PTK2B: variants seen among roughly 807,000 people sequenced by gnomAD.
PTK2B encodes protein-tyrosine kinase 2-beta.
In PTK2B, 71 loss-of-function variants were observed where a neutral mutation model predicts 142.9. The observed-to-expected ratio is 0.50, with a 90% confidence interval of 0.41 to 0.61. The LOEUF (loss-of-function observed/expected upper bound fraction) is 0.61. Ranked by LOEUF, PTK2B falls within the 20% of genes least tolerant of loss-of-function variation. The probability of loss-of-function intolerance (pLI) is 0.00; values close to 1 mark genes in which losing one functional copy is unlikely to be tolerated. For synonymous variants in PTK2B, 519 were observed against 503.4 expected (o/e 1.03, Z -0.42); for missense variants, 1,105 against 1,320.4 (o/e 0.84, Z 2.53).
chr8:27,335,972 A>G lies in PTK2B; in HGVS notation c.-38+10291A>G, dbSNP rs192485261. 4.6e-3 allele frequency among the ~76,000 whole-genome samples: 705 copies of G among 152,244 alleles called. 4 individuals are homozygous for G. Among genetic ancestry groups the G allele is most frequent in the Non-Finnish European group, 4.4e-3 (298 of 68,024 alleles). On this transcript the variant is annotated intron_variant, in intron 1 of 30. Transcript: ENST00000346049. ...CCAGGCCCTTGAGTCCCCTCCATGGATCTCCTGGGGTGCAGGTCATCTGGA... is the reference window on the plus strand; with the variant it reads ...CCAGGCCCTTGAGTCCCCTCCATGGGTCTCCTGGGGTGCAGGTCATCTGGA...
At chr8:27,438,933 A>G (rs1370652391) in intron 18 of PTK2B, 98 bp from the exon 19 acceptor site, 2 of 1,159,374 alleles carry the variant, frequency 1.7e-6, no homozygotes, top group Non-Finnish European at 2.5e-6. Flanking sequence ...CCTGGCTTAG[A>G]TTCTTGGTCT....
At chr8:27,389,548 G>T (rs958583594) in intron 1 of PTK2B, among the ~76,000 whole-genome samples, 5 of 152,164 alleles carry the variant, frequency 3.3e-5, no homozygotes, top group South Asian at 2.1e-4. Context: ...CTCCTGCCCC[G>T]CAAGACCCCC....
chr8:27,431,089 G>T, intron 8 of PTK2B, 73 bp downstream of exon 8: 1 of 1,552,924 alleles, frequency 6.4e-7, no homozygotes, highest in Non-Finnish European at 8.7e-7. Context: ...CCAGGAGGGG[G>T]CAGGGAGAGG....
chr8:27,413,214 A>G (rs1020284169), intron 2 of PTK2B, among the ~76,000 whole-genome samples: 1 of 152,214 alleles, frequency 6.6e-6, no homozygotes, highest in Non-Finnish European at 1.5e-5. Flanking sequence ...ATTTGAGAGC[A>G]AGTTGTAGTA....
intron 12 of PTK2B, 151 bp from the exon 13 acceptor site, chr8:27,434,362 C>T (rs1231297116): frequency 1.9e-6 from 2 of 1,041,486 alleles, no homozygotes; most frequent in South Asian, 1.6e-5. Flanking sequence ...AACTCCAGCC[C>T]CCAGCAGCCT....
intron 8 of PTK2B, 69 bp downstream of exon 8, chr8:27,431,085 G>C (rs992516731): frequency 8.9e-6 from 14 of 1,566,210 alleles, no homozygotes; most frequent in African/African-American, 2.7e-5. Context: ...GGGGCCAGGA[G>C]GGGGCAGGGA....
intron 3 of PTK2B, 49 bp from the exon 4 acceptor site, chr8:27,420,608 C>T: frequency 6.4e-7 from 1 of 1,563,350 alleles, no homozygotes; most frequent in Non-Finnish European, 8.8e-7. Flanking sequence ...CTCCTTTCTT[C>T]AGGCACCAGC....
intron 3 of PTK2B, among the ~76,000 whole-genome samples, chr8:27,320,103 T>C (rs1563454997): frequency 6.6e-6 from 1 of 152,136 alleles, no homozygotes; most frequent in African/African-American, 2.4e-5. Context: ...GGGAGGAGTC[T>C]GGCCCCTCCT....
intron 1 of PTK2B, among the ~76,000 whole-genome samples, chr8:27,365,982 C>T (rs1255538337): frequency 6.6e-6 from 1 of 152,232 alleles, no homozygotes; most frequent in Non-Finnish European, 1.5e-5. Context: ...TTATTGTTTT[C>T]TGTTGACACT....
At chr8:27,432,766 T>TACA (rs200196911) in intron 10 of PTK2B, among the ~76,000 whole-genome samples, 2 of 123,370 alleles carry the variant, frequency 1.6e-5, no homozygotes, top group African/African-American at 3.2e-5. Context: ...GACCTCAGGC[T>TACA]GCATCTCTCT....
In PTK2B at chr8:27,437,868, A is replaced by G. The variant is rs151100763; in HGVS notation, c.1631A>G (p.Asn544Ser). The G allele has an allele frequency of 9.9e-6, 16 of 1,611,338 alleles. No individual in the cohort carries two copies. The highest frequency in any genetic ancestry group is 1.4e-5 in the Non-Finnish European group (16 of 1,178,994). Residue 544 changes from asparagine to serine, a missense_variant, in exon 18 of 31, where the codon AAC becomes AGC. By Grantham distance (46) the Asn-to-Ser change is conservative (BLOSUM62 1). Coordinates refer to ENST00000346049, the MANE Select transcript of PTK2B (RefSeq NM_173176.3). ...GCCATGGCCTACCTGGAGAGCATCA[A>G]CTGCGTGCACAGGTAGGGGTGGAGG... is the stretch of plus-strand genomic sequence containing the variant. ...CKAMAYLESI[N>S]CVHRDIAVRN...
upstream of PTK2B, chr8:27,311,140 G>A (rs749928696): frequency 4.4e-6 from 7 of 1,604,484 alleles, no homozygotes; most frequent in African/African-American, 6.7e-5. Flanking sequence ...AGCGCAGAGT[G>A]ACTGCGTCGC....
intron 11 of PTK2B, 56 bp from the exon 12 acceptor site, chr8:27,434,037 C>T (rs1399970074): frequency 3.8e-6 from 6 of 1,580,614 alleles, no homozygotes; most frequent in African/African-American, 1.4e-5. Flanking sequence ...GGTCAGTCAC[C>T]CATCCAGGTC....
intron 1 of PTK2B, among the ~76,000 whole-genome samples, chr8:27,334,751 G>T (rs1803958172): frequency 6.6e-6 from 1 of 152,164 alleles, no homozygotes; most frequent in Non-Finnish European, 1.5e-5. Flanking sequence ...CCCGCAGTGG[G>T]TGTCGCAACA....
intron 24 of PTK2B, among the ~76,000 whole-genome samples, chr8:27,446,292 T>TA (rs2132349837): frequency 6.6e-6 from 1 of 152,328 alleles, no homozygotes; most frequent in East Asian, 1.9e-4. Flanking sequence ...GTATCCTTCC[T>TA]AAATGATGGC....
chr8:27,334,006 G>A lies in PTK2B; in HGVS notation c.-38+8325G>A, dbSNP rs529282436. On this transcript the variant is annotated intron_variant, in intron 1 of 30. Coordinates refer to ENST00000346049, the MANE Select transcript of PTK2B (RefSeq NM_173176.3). ...TGGCTTCTCTCCTCTTCATGGGGTTGTTCATCTCCCACACACTCAGGTCAG... is the reference window on the plus strand; with the variant it reads ...TGGCTTCTCTCCTCTTCATGGGGTTATTCATCTCCCACACACTCAGGTCAG... Among the ~76,000 whole-genome samples, 13 of 152,042 alleles carry A rather than the reference G, an allele frequency of 8.6e-5. No individual in the cohort carries two copies. In the South Asian group the frequency reaches 2.7e-3, roughly 32 times the overall value.
At chr8:27,348,391 A>G (rs1586132372) in intron 1 of PTK2B, among the ~76,000 whole-genome samples, 1 of 152,274 alleles carries the variant, frequency 6.6e-6, no homozygotes, top group Middle Eastern at 3.4e-3. Flanking sequence ...TCAAAGTAAA[A>G]TTAACAGAAC....
intron 1 of PTK2B, chr8:27,312,295 C>G (rs1802994411): frequency 6.6e-6 from 1 of 152,188 alleles, no homozygotes; most frequent in African/African-American, 2.4e-5. Context: ...TTCCAACTAT[C>G]TTTTCAAGGA....
At chr8:27,420,537 CT>C in intron 3 of PTK2B, 119 bp from the exon 4 acceptor site, 1 of 941,996 alleles carries the variant, frequency 1.1e-6, no homozygotes, top group Non-Finnish European at 1.7e-6. Flanking sequence ...GGCCACGAGA[CT>C]CATGGGCAGC....
Sources: allele counts gnomAD v4.1 joint callset (sites outside exome capture counted in the v4.1 genomes callset), GRCh38; gene constraint gnomAD v4.1.1; transcripts MANE v1.5; gene names NCBI Gene and HGNC (gene_info 2026-07-23, HGNC 2026-07-21).